NFKB1: variants seen among roughly 807,000 people sequenced by gnomAD.
The protein encoded by NFKB1 is nuclear factor kappa B subunit 1, also known as nuclear factor NF-kappa-B p105 subunit.
Under a neutral mutation model 105.1 loss-of-function variants are expected in NFKB1, and 9 were observed. That is an observed-to-expected ratio of 0.09 (90% confidence interval 0.05 to 0.15). The LOEUF is 0.15. NFKB1 is among the 10% of genes least tolerant of loss of function. The probability of loss-of-function intolerance (pLI) is 1.00; values close to 1 mark genes in which losing one functional copy is unlikely to be tolerated. For missense variants in NFKB1, 830 were observed against 1,203.7 expected (o/e 0.69, Z 4.59); for synonymous variants, 440 against 442.2 (o/e 1.00, Z 0.06).
intron 1 of NFKB1, among the ~76,000 whole-genome samples, chr4:102,525,230 A>G (rs1175674670): frequency 1.3e-5 from 2 of 150,824 alleles, no homozygotes; most frequent in Non-Finnish European, 3.0e-5. Flanking sequence ...TATACAAAGC[A>G]TAAAGATGAT....
rs1727092182 is a variant in NFKB1, at chr4:102,600,927, C to G, written c.1670C>G (p.Ser557Cys). ...VLHLAIIHLH[S>C]QLVRDLLEVT... ...CACTTAGCAATCATCCACCTTCATT[C>G]TCAACTTGTGAGGGATCTACTAGAA... Residue 557 changes from serine (S) to cysteine (C), a missense_variant, in exon 16 of 24, where the codon TCT becomes TGT. This residue lies in a region of NFKB1 where 418 missense variants were observed against 575.3 expected (regional missense o/e 0.73). Transcript: ENST00000226574. 6.2e-7 allele frequency: 1 copy of G among 1,610,918 alleles called. No homozygotes were observed. The highest frequency in any genetic ancestry group is 1.3e-5 in the African/African-American group (1 of 74,838).
intron 1 of NFKB1, among the ~76,000 whole-genome samples, chr4:102,505,220 G>A (rs995941018): frequency 6.6e-6 from 1 of 152,114 alleles, no homozygotes; most frequent in Non-Finnish European, 1.5e-5. Context: ...ATAATTTAAA[G>A]CCTGACAGTT....
Position 102,612,104 on chromosome 4 carries a change from G to C in NFKB1, c.2413G>C (p.Ala805Pro). 3 of 1,613,654 alleles carry C rather than the reference G, an allele frequency of 1.9e-6. No homozygotes were observed. Among genetic ancestry groups the C allele is most frequent in the Non-Finnish European group, 2.5e-6 (3 of 1,179,640 alleles). Residue 805 changes from alanine to proline, a missense_variant, in exon 21 of 24, where the codon GCA becomes CCA. Physicochemically the swap from Ala to Pro is conservative, Grantham distance 27. Around this residue, in one of 8 missense-constraint regions of NFKB1, gnomAD observed 418 missense variants for 575.3 expected, o/e 0.73. Transcript: ENST00000226574. ...EPEFTSDDLL[A>P]QGDMKQLAED... ...AGAGTTTACATCTGATGATTTACTA[G>C]CACAAGGTGGGTTGTGATAAAACCA...
chr4:102,561,626 CCAAGCT>C (rs1723452694), intron 5 of NFKB1, among the ~76,000 whole-genome samples: 1 of 151,982 alleles, frequency 6.6e-6, no homozygotes, highest in South Asian at 2.1e-4. Flanking sequence ...GTGGACAGAC[CCAAGCT>C]CAAGGATTGC....
intron 6 of NFKB1, among the ~76,000 whole-genome samples, chr4:102,573,611 T>C (rs1252362319): frequency 6.6e-6 from 1 of 152,130 alleles, no homozygotes; most frequent in Admixed American, 6.5e-5. Context: ...TTTTGGCCAT[T>C]ATTTTTTCAA....
At chr4:102,610,904 G>A (rs1035874231) in intron 20 of NFKB1, among the ~76,000 whole-genome samples, 7 of 152,190 alleles carry the variant, frequency 4.6e-5, no homozygotes, top group African/African-American at 1.7e-4. Context: ...GTACGAAAGT[G>A]TATGCCTAAT....
chr4:102,551,367 T>TGTGTGTGTGTGTGTGCACACGC (rs370790173), intron 5 of NFKB1, among the ~76,000 whole-genome samples: 2 of 150,094 alleles, frequency 1.3e-5, no homozygotes, highest in African/African-American at 4.9e-5. Context: ...TGTGTGTGTG[T>TGTGTGTGTGTGTGTGCACACGC]GCGCGCGCGC....
intron 11 of NFKB1, among the ~76,000 whole-genome samples, chr4:102,591,462 A>C (rs1021998571): frequency 3.3e-5 from 5 of 151,424 alleles, no homozygotes; most frequent in African/African-American, 1.2e-4. Context: ...TTAGGAGTTA[A>C]TGCAGCTGGT....
chr4:102,597,754 T>C lies in NFKB1; in HGVS notation c.1637+93T>C, dbSNP rs1726756909. On this transcript the variant is annotated intron_variant, in intron 15 of 23. Transcript: ENST00000226574. Reference sequence around the variant, plus strand: ...ACTGACTAGAGATAAAAATAATTGTTCAAATATATTGAGTCCTCTAACTGG... The same window carrying C: ...ACTGACTAGAGATAAAAATAATTGTCCAAATATATTGAGTCCTCTAACTGG... 6 of 1,396,216 alleles carry C rather than the reference T, an allele frequency of 4.3e-6. No individual in the cohort carries two copies. The South Asian group carries it at 7.5e-5, about 17-fold the overall frequency. The allele number at this position is 1,396,216 out of a possible 1,614,324, so 86.5% of individuals were successfully genotyped here. A position where few individuals can be genotyped will look rare whatever the true frequency, so the allele number is the denominator to read the frequency against.
chr4:102,594,897 A>T lies in NFKB1; in HGVS notation c.1216A>T (p.Ser406Cys). Residue 406 changes from serine (S) to cysteine (C), a missense_variant, in exon 13 of 24, where the codon AGC becomes TGC. By Grantham distance (112) the Ser-to-Cys change is moderately radical (BLOSUM62 -1). This residue lies in a region of NFKB1 where 163 missense variants were observed against 164.3 expected (regional missense o/e 0.99). Coordinates refer to ENST00000226574, the MANE Select transcript of NFKB1 (RefSeq NM_003998.4). ...GGTGSTGPGY[S>C]FPHYGFPTYG... ...TGTTTTACTTGCCGTTTCAGGGTAT[A>T]GCTTCCCACACTATGGATTTCCTAC... 2 of 1,608,786 alleles carry T rather than the reference A, an allele frequency of 1.2e-6. No individual in the cohort carries two copies. Among genetic ancestry groups the T allele is most frequent in the Non-Finnish European group, 1.7e-6 (2 of 1,175,974 alleles).
At chr4:102,527,738 C>T (rs1206984092) in intron 2 of NFKB1, among the ~76,000 whole-genome samples, 4 of 152,102 alleles carry the variant, frequency 2.6e-5, no homozygotes, top group East Asian at 3.9e-4. Context: ...TTTTACCTTT[C>T]GCTTTTATTG....
At chr4:102,509,579 A>C (rs1440738893) in intron 1 of NFKB1, among the ~76,000 whole-genome samples, 1 of 152,202 alleles carries the variant, frequency 6.6e-6, no homozygotes, top group Admixed American at 6.5e-5. Context: ...AAGTATCTTC[A>C]CATCTATATG....
chr4:102,562,057 G>T (rs1419105963), intron 5 of NFKB1, among the ~76,000 whole-genome samples: 2 of 152,142 alleles, frequency 1.3e-5, no homozygotes, highest in African/African-American at 4.8e-5. Context: ...GGAACAACCT[G>T]GGAGTTGTCA....
intron 5 of NFKB1, among the ~76,000 whole-genome samples, chr4:102,557,401 C>G (rs1723065950): frequency 6.6e-6 from 1 of 152,050 alleles, no homozygotes; most frequent in African/African-American, 2.4e-5. Context: ...TCATGGGAGC[C>G]CAGATTCAGA....
chr4:102,566,924 A>G, intron 5 of NFKB1, 63 bp from the exon 6 acceptor site: 1 of 1,567,272 alleles, frequency 6.4e-7, no homozygotes, highest in Non-Finnish European at 8.8e-7. Context: ...GCTTATCATA[A>G]ACATGTTTCC....
chr4:102,545,349 C>T (rs1034596567), intron 5 of NFKB1, among the ~76,000 whole-genome samples: 1 of 152,112 alleles, frequency 6.6e-6, no homozygotes, highest in African/African-American at 2.4e-5. Context: ...ATGCTTTTTG[C>T]CTTTAGGTCC....
At chr4:102,604,690 G>A (rs895593078) in intron 16 of NFKB1, among the ~76,000 whole-genome samples, 1 of 151,386 alleles carries the variant, frequency 6.6e-6, no homozygotes. Context: ...CCTAGTAGTA[G>A]ACATTTAACC....
intron 2 of NFKB1, among the ~76,000 whole-genome samples, chr4:102,526,875 A>G (rs1196180424): frequency 1.3e-5 from 2 of 152,066 alleles, no homozygotes; most frequent in African/African-American, 4.8e-5. Flanking sequence ...ACAAATCTAC[A>G]TTGGTTCTTA....
chr4:102,563,144 A>AGGGGTCT (rs1723576713), intron 5 of NFKB1, among the ~76,000 whole-genome samples: 1 of 152,160 alleles, frequency 6.6e-6, no homozygotes, highest in South Asian at 2.1e-4. Flanking sequence ...AGGTAATTTG[A>AGGGGTCT]CTAAGATTGG....
Sources: gnomAD v4.1 joint callset for allele counts (sites outside exome capture counted in the v4.1 genomes callset) on GRCh38, gnomAD v4.1.1 for gene constraint, gnomAD v4.1.1 regional missense constraint, MANE v1.5 for transcripts, NCBI Gene and HGNC (gene_info 2026-07-23, HGNC 2026-07-21) for gene names.